The following THSD7B variants were observed in gnomAD, a reference collection of about 807,000 sequenced individuals.
The protein encoded by THSD7B is thrombospondin type-1 domain-containing protein 7B.
A neutral mutation model predicts 213.6 loss-of-function variants in THSD7B; 138 were observed. The observed-to-expected ratio is 0.65, with a 90% confidence interval of 0.56 to 0.74. THSD7B has a LOEUF of 0.74. Ranked by LOEUF, THSD7B falls within the 30% of genes least tolerant of loss-of-function variation. The probability of loss-of-function intolerance (pLI) is 0.00; values close to 1 mark genes in which losing one functional copy is unlikely to be tolerated. For missense variants in THSD7B, 1,931 were observed against 1,991.5 expected (o/e 0.97, Z 0.58); for synonymous variants, 742 against 687.0 (o/e 1.08, Z -1.25).
At chr2:137,521,657 G>A (rs1486664796) in intron 15 of THSD7B, among the ~76,000 whole-genome samples, 1 of 152,198 alleles carries the variant, frequency 6.6e-6, no homozygotes, top group Non-Finnish European at 1.5e-5. Context: ...TGGAAGAAGT[G>A]GAGATGCCAG....
intron 12 of THSD7B, among the ~76,000 whole-genome samples, chr2:137,356,713 G>A (rs1685136459): frequency 1.3e-5 from 2 of 152,134 alleles, no homozygotes; most frequent in African/African-American, 4.8e-5. Context: ...ACATGGAAGA[G>A]ACGCCAGCTT....
chr2:137,110,918 T>C (rs1370507207), intron 4 of THSD7B, among the ~76,000 whole-genome samples: 1 of 152,232 alleles, frequency 6.6e-6, no homozygotes, highest in Non-Finnish European at 1.5e-5. Flanking sequence ...ATTTGGTAAA[T>C]TGACATGCTG....
Position 136,985,772 on chromosome 2 carries a change from C to T in THSD7B, c.140-70648C>T, listed in dbSNP as rs893827616. Among the ~76,000 whole-genome samples the T allele has an allele frequency of 2.0e-5, 3 of 152,238 alleles. No homozygotes were observed. The East Asian group carries it at 5.8e-4, about 29-fold the overall frequency. On this transcript the variant is annotated intron_variant, in intron 2 of 27. Coordinates refer to ENST00000409968, the MANE Select transcript of THSD7B (RefSeq NM_001316349.2). ...GAATTATGTAGCCACCAGCAGCTTG[C>T]ATCCTGTGCCTGGAAAAGCCACAGC...
chr2:137,273,422 A>C (rs1172813600), intron 11 of THSD7B, among the ~76,000 whole-genome samples: 1 of 152,060 alleles, frequency 6.6e-6, no homozygotes, highest in Non-Finnish European at 1.5e-5. Context: ...TGCTACTTTA[A>C]GGTGTATTTG....
rs191772668 is a variant in THSD7B at position 136,839,745 on chromosome 2, G to T, written c.-35-42399G>T. 3.7e-3 allele frequency among the ~76,000 whole-genome samples: 565 copies of T among 151,368 alleles called. 2 individuals are homozygous for T. Among genetic ancestry groups the T allele is most frequent in the Admixed American group, 6.0e-3 (92 of 15,218 alleles). ...ATTTTTTCTTCTTCCTTTTTTTTCTGCTGGTTTGGTGCTGCCTGATGGTCA... is the reference window on the plus strand; with the variant it reads ...ATTTTTTCTTCTTCCTTTTTTTTCTTCTGGTTTGGTGCTGCCTGATGGTCA... On this transcript the variant is annotated intron_variant, in intron 1 of 27. Coordinates refer to ENST00000409968, the MANE Select transcript of THSD7B (RefSeq NM_001316349.2).
intron 12 of THSD7B, among the ~76,000 whole-genome samples, chr2:137,289,170 T>G (rs1039762217): frequency 5.3e-5 from 8 of 151,826 alleles, no homozygotes. Context: ...ACAAGACATG[T>G]TTTTTTTAAA....
intron 1 of THSD7B, among the ~76,000 whole-genome samples, chr2:136,825,938 C>T (rs1386318144): frequency 6.6e-6 from 1 of 152,056 alleles, no homozygotes; most frequent in East Asian, 1.9e-4. Flanking sequence ...ATCTCCAAGT[C>T]CTTTTGCTTC....
chr2:137,541,883 T>C (rs1180015801), intron 15 of THSD7B, among the ~76,000 whole-genome samples: 2 of 151,412 alleles, frequency 1.3e-5, no homozygotes, highest in African/African-American at 2.4e-5. Context: ...TTCAAATATA[T>C]GCCAATTGAG....
At chr2:137,510,534 T>C (rs1374680938) in intron 15 of THSD7B, among the ~76,000 whole-genome samples, 1 of 152,216 alleles carries the variant, frequency 6.6e-6, no homozygotes, top group Non-Finnish European at 1.5e-5. Flanking sequence ...TTTATATATT[T>C]ACACCATACT....
At chr2:137,523,752 A>G (rs2105170130) in intron 15 of THSD7B, among the ~76,000 whole-genome samples, 1 of 151,956 alleles carries the variant, frequency 6.6e-6, no homozygotes, top group Admixed American at 6.5e-5. Context: ...TTCATGACCT[A>G]GTTCTTGCCA....
chr2:137,605,648 CTTTTTTTTTTTTTTTTTTTTTTTTTTTTT>C (rs34604281), intron 17 of THSD7B, among the ~76,000 whole-genome samples: 1 of 68,974 alleles, frequency 1.4e-5, no homozygotes. Context: ...GCACTTCGCA[CTTTTTTTTTTTTTTTTTTTTTTTTTTTTT>C]TTTTTTTTTT....
chr2:137,218,526 A>G (rs76924048), intron 7 of THSD7B, among the ~76,000 whole-genome samples: 134 of 111,534 alleles, frequency 1.2e-3, no homozygotes, highest in Admixed American at 7.8e-3. Flanking sequence ...GGGAAGATAG[A>G]CAAAGTACGG....
intron 12 of THSD7B, among the ~76,000 whole-genome samples, chr2:137,313,264 G>T (rs1683970300): frequency 6.6e-6 from 1 of 151,982 alleles, no homozygotes; most frequent in Admixed American, 6.6e-5. Context: ...TTATGTAATG[G>T]CCTTCTTTGT....
intron 10 of THSD7B, among the ~76,000 whole-genome samples, chr2:137,243,969 C>T (rs1681969152): frequency 6.6e-6 from 1 of 152,188 alleles, no homozygotes. Flanking sequence ...ATGGAAACGA[C>T]AATCTCTTCT....
At chr2:137,087,181 TAAA>T (rs201448866) in intron 3 of THSD7B, among the ~76,000 whole-genome samples, 1 of 151,314 alleles carries the variant, frequency 6.6e-6, no homozygotes, top group African/African-American at 2.4e-5. Context: ...AAGTAAAAAT[TAAA>T]AAAAAATATA....
chr2:137,242,530 G>A lies in THSD7B; in HGVS notation c.2224G>A (p.Ala742Thr), dbSNP rs774603256. 6 of 1,613,906 alleles carry A rather than the reference G, an allele frequency of 3.7e-6. No homozygotes were observed. Among genetic ancestry groups the A allele is most frequent in the South Asian group, 1.1e-5 (1 of 91,082 alleles). ...ATGCAAAAAAGACTGTATTGTGACT[G>A]CTTTCAGTGAGTGGACACCCTGCCC... ...LPCKKDCIVT[A>T]FSEWTPCPRM... Residue 742 changes from alanine (A) to threonine (T), a missense_variant, in exon 10 of 28, where the codon GCT (alanine) becomes ACT (threonine). By Grantham distance (58) the Ala-to-Thr change is moderately conservative. Transcript: ENST00000409968.
chr2:136,906,469 C>T (rs1684163600), intron 2 of THSD7B: 1 of 151,972 alleles, frequency 6.6e-6, no homozygotes, highest in Non-Finnish European at 1.5e-5. Context: ...TAGAAGAAAG[C>T]ACTTATTGGA....
chr2:137,453,957 T>C (rs934981857), intron 15 of THSD7B, among the ~76,000 whole-genome samples: 27 of 152,158 alleles, frequency 1.8e-4, no homozygotes, highest in Non-Finnish European at 4.0e-4. Flanking sequence ...CTTTTTAAGG[T>C]TGAATAGTAT....
At chr2:137,025,482 C>T (rs1686534132) in intron 2 of THSD7B, among the ~76,000 whole-genome samples, 1 of 151,970 alleles carries the variant, frequency 6.6e-6, no homozygotes, top group Admixed American at 6.6e-5. Flanking sequence ...TTAGGGTAGG[C>T]TGAGTCCTGG....
Sources: allele counts gnomAD v4.1 joint callset (sites outside exome capture counted in the v4.1 genomes callset), GRCh38; gene constraint gnomAD v4.1.1; transcripts MANE v1.5; gene names NCBI Gene and HGNC (gene_info 2026-07-23, HGNC 2026-07-21).